The following TXNL1 variants were observed in gnomAD, a reference collection of about 807,000 sequenced individuals.
TXNL1 encodes thioredoxin like 1.
TXNL1 carries 14 observed loss-of-function variants against 35.5 expected under a neutral mutation model. The observed-to-expected ratio is 0.39, with a 90% CI of 0.26 to 0.62. The LOEUF is 0.62. Ranked by LOEUF, TXNL1 falls within the 20% of genes least tolerant of loss-of-function variation. The probability of loss-of-function intolerance (pLI) is 0.47; values close to 1 mark genes in which losing one functional copy is unlikely to be tolerated. For synonymous variants in TXNL1, 110 were observed against 115.5 expected (o/e 0.95, Z 0.31); for missense variants, 263 against 349.7 (o/e 0.75, Z 1.98).
chr18:56,626,641 C>T (rs2234346), intron 1 of TXNL1, among the ~76,000 whole-genome samples, 184 bp from the exon 2 acceptor site: 6,004 of 151,460 alleles, frequency 0.04, 401 homozygotes, highest in African/African-American at 0.14. Flanking sequence ...GTACTCCAGG[C>T]GCCCACCACC....
chr18:56,619,475 T>C (rs1298208659), intron 3 of TXNL1, among the ~76,000 whole-genome samples: 3 of 140,354 alleles, frequency 2.1e-5, no homozygotes. Flanking sequence ...GAGGCGGAGG[T>C]TGCAGTGAGC....
intron 4 of TXNL1, among the ~76,000 whole-genome samples, chr18:56,617,706 G>C (rs963111718): frequency 1.3e-5 from 2 of 152,194 alleles, no homozygotes; most frequent in African/African-American, 4.8e-5. Flanking sequence ...AGAAGGTATG[G>C]AAGTCAGGTT....
chr18:56,630,881 ATTTTCTT>A (rs1235106503), intron 1 of TXNL1, among the ~76,000 whole-genome samples: 2 of 148,992 alleles, frequency 1.3e-5, no homozygotes, highest in African/African-American at 2.4e-5. Context: ...TAAATCGATC[ATTTTCTT>A]TTTTCTTTTT....
At chr18:56,610,962 C>T in intron 7 of TXNL1, 31 bp downstream of exon 7, 2 of 1,337,582 alleles carry the variant, frequency 1.5e-6, no homozygotes, top group East Asian at 2.5e-5. Flanking sequence ...TATATTTTTA[C>T]TATCCCGAAG....
intron 6 of TXNL1, among the ~76,000 whole-genome samples, chr18:56,613,975 C>T (rs548202040): frequency 9.9e-5 from 15 of 151,556 alleles, no homozygotes; most frequent in Admixed American, 5.9e-4. Flanking sequence ...CAAGTCAGCC[C>T]GGGCAACACA....
At chr18:56,611,287 G>C (rs906028344) in intron 6 of TXNL1, among the ~76,000 whole-genome samples, 190 bp from the exon 7 acceptor site, 2 of 151,898 alleles carry the variant, frequency 1.3e-5, no homozygotes, top group Non-Finnish European at 1.5e-5. Context: ...ATCACCTGAG[G>C]TCAGGAGTTC....
Position 56,611,094 on chromosome 18 carries a change from A to G in TXNL1, c.739T>C (p.Phe247Leu), listed in dbSNP as rs755948228. 18 of 1,592,984 alleles carry G rather than the reference A, an allele frequency of 1.1e-5. No individual in the cohort carries two copies. The highest frequency in any genetic ancestry group is 4.5e-5 in the East Asian group (2 of 44,184). The change falls in exon 7 of 8, where the codon TTT (phenylalanine) becomes CTT (leucine). Residue 247 changes from phenylalanine (F) to leucine (L), a missense_variant. Phe to Leu is a conservative substitution (Grantham distance 22). Transcript: ENST00000217515. ...TCTTCACCTTGATTCGACTGAACAA[A>G]TATCTACCAAAAAAAAGTTTGCATT... The part of the protein sequence containing the change: ...KFQNVNSVTI[F>L]VQSNQGEEET...
intron 2 of TXNL1, among the ~76,000 whole-genome samples, chr18:56,624,735 AATGCAGAAACT>A (rs1437352948): frequency 6.6e-6 from 1 of 152,170 alleles, no homozygotes; most frequent in Non-Finnish European, 1.5e-5. Flanking sequence ...ATTAGCTTCC[AATGCAGAAACT>A]GTGCTTAATG....
intron 3 of TXNL1, among the ~76,000 whole-genome samples, chr18:56,621,203 TA>T (rs538518616): frequency 1.3e-4 from 11 of 82,400 alleles, no homozygotes; most frequent in Middle Eastern, 7.9e-3. Context: ...CATATATATG[TA>T]TTTTTTTTTT....
intron 6 of TXNL1, among the ~76,000 whole-genome samples, chr18:56,611,675 G>C (rs549392856): frequency 1.3e-5 from 2 of 151,930 alleles, no homozygotes; most frequent in East Asian, 1.9e-4. Flanking sequence ...TAGTATGGCA[G>C]AGTCACAATT....
intron 7 of TXNL1, among the ~76,000 whole-genome samples, chr18:56,607,917 A>C (rs1016722677): frequency 3.9e-5 from 6 of 152,202 alleles, no homozygotes; most frequent in African/African-American, 1.4e-4. Flanking sequence ...AAAAATGCTT[A>C]ACTGCCCCAC....
chr18:56,604,026 T>C (rs190574663), intron 7 of TXNL1, among the ~76,000 whole-genome samples: 3 of 152,262 alleles, frequency 2.0e-5, no homozygotes, highest in Admixed American at 2.0e-4. Flanking sequence ...GTCAACATCA[T>C]TCATGAGAGA....
intron 1 of TXNL1, among the ~76,000 whole-genome samples, chr18:56,636,855 T>G (rs1374318507): frequency 1.3e-5 from 2 of 152,192 alleles, no homozygotes; most frequent in African/African-American, 4.8e-5. Flanking sequence ...GAGGTGAGGT[T>G]CCTTATTGAA....
In TXNL1 at chr18:56,623,425, C is replaced by CAA. The variant is rs74182150; in HGVS notation, c.369+861_369+862dup. Among the ~76,000 whole-genome samples the CAA allele has an allele frequency of 1.5e-3, 150 of 96,884 alleles. 1 individual carries two copies. The highest frequency in any genetic ancestry group is 2.4e-3 in the East Asian group (10 of 4,090). The allele number at this position is 96,884 out of a possible 152,430, so 63.6% of individuals were successfully genotyped here. Reference sequence around the variant, plus strand: ...CCTGGGTGACAGAGGGACTCCGCCTCAAAAAAAAAAAAAAAAAAGATATTA... The same window carrying CAA: ...CCTGGGTGACAGAGGGACTCCGCCTCAAAAAAAAAAAAAAAAAAAAGATATTA... On this transcript the variant is annotated intron_variant, in intron 3 of 7. Coordinates refer to ENST00000217515, the MANE Select transcript of TXNL1 (RefSeq NM_004786.3).
chr18:56,619,555 A>G lies in TXNL1; in HGVS notation c.370-1429T>C, dbSNP rs913220185. 2.7e-5 allele frequency among the ~76,000 whole-genome samples: 4 copies of G among 149,988 alleles called. No individual in the cohort carries two copies. The East Asian group carries it at 5.8e-4, about 22-fold the overall frequency. ...CTGTCTCCAAAAAAAAAAAAAAAAA[A>G]AAAAATTGTATTTGGTTAATATGTC... is the stretch of plus-strand genomic sequence containing the variant. On this transcript the variant is annotated intron_variant, in intron 3 of 7. Coordinates refer to ENST00000217515, the MANE Select transcript of TXNL1 (RefSeq NM_004786.3).
intron 7 of TXNL1, among the ~76,000 whole-genome samples, chr18:56,607,110 C>A (rs1354514841): frequency 6.6e-6 from 1 of 152,002 alleles, no homozygotes; most frequent in African/African-American, 2.4e-5. Context: ...CCACCTCAGC[C>A]TCCCAGGTAG....
At chr18:56,614,705 T>C (rs952053064) in intron 5 of TXNL1, 109 bp from the exon 6 acceptor site, 23 of 822,200 alleles carry the variant, frequency 2.8e-5, no homozygotes, top group South Asian at 1.1e-4. Flanking sequence ...AATACACATA[T>C]ACTTCAAATA....
At chr18:56,636,016 A>T (rs532570316) in intron 1 of TXNL1, among the ~76,000 whole-genome samples, 1 of 152,276 alleles carries the variant, frequency 6.6e-6, no homozygotes, top group South Asian at 2.1e-4. Context: ...TTTTCTCCAA[A>T]TATTTTCTAT....
intron 6 of TXNL1, among the ~76,000 whole-genome samples, chr18:56,612,519 G>C (rs1293575641): frequency 6.6e-6 from 1 of 151,860 alleles, no homozygotes; most frequent in Non-Finnish European, 1.5e-5. Context: ...AATATTCTAG[G>C]TGCTGTCTAC....
Sources: allele counts gnomAD v4.1 joint callset (sites outside exome capture counted in the v4.1 genomes callset), GRCh38; gene constraint gnomAD v4.1.1; transcripts MANE v1.5; gene names NCBI Gene and HGNC (gene_info 2026-07-23, HGNC 2026-07-21).